Variants in PSPH observed in about 807,000 individuals in gnomAD.
PSPH encodes the protein L-3-phosphoserine phosphatase.
PSPH carries 16 observed loss-of-function variants against 23.4 expected under a neutral mutation model. That is an observed-to-expected ratio of 0.68 (90% CI 0.46 to 1.04). PSPH has a LOEUF of 1.04. Ranked by LOEUF, PSPH falls within the 50% of genes least tolerant of loss-of-function variation. The probability of loss-of-function intolerance (pLI) is 0.00; values close to 1 mark genes in which losing one functional copy is unlikely to be tolerated. For synonymous variants in PSPH, 68 were observed against 99.7 expected, an observed-to-expected ratio of 0.68 and a Z score of 1.89; for missense variants, 223 against 273.7, an observed-to-expected ratio of 0.81 and a Z score of 1.31.
intron 1 of PSPH, among the ~76,000 whole-genome samples, chr7:56,037,714 T>C (rs1472238666): frequency 2.1e-5 from 2 of 96,952 alleles, no homozygotes; most frequent in East Asian, 4.1e-4. Context: ...AAATTTTTTT[T>C]TTTTTTTTTT....
chr7:56,030,298 T>TG (rs1366121687), intron 3 of PSPH, among the ~76,000 whole-genome samples: 1 of 151,742 alleles, frequency 6.6e-6, no homozygotes, highest in Non-Finnish European at 1.5e-5. Context: ...TTAGTGGAGA[T>TG]GGGGTTTCAC....
chr7:56,043,269 A>C (rs1405112677), intron 1 of PSPH: 1 of 97,128 alleles, frequency 1.0e-5, no homozygotes, highest in East Asian at 2.0e-4. Context: ...ACTCTATCTC[A>C]AAAAAAAAAA....
chr7:56,020,308 G>A (rs4496923), intron 4 of PSPH, among the ~76,000 whole-genome samples: 44,830 of 147,920 alleles, frequency 0.3, 6,623 homozygotes, highest in East Asian at 0.44. Context: ...CAAAGGTTAA[G>A]CATTCTTCCA....
intron 1 of PSPH, among the ~76,000 whole-genome samples, chr7:56,046,172 C>T (rs779561624): frequency 6.6e-5 from 10 of 151,902 alleles, no homozygotes; most frequent in Non-Finnish European, 1.0e-4. Context: ...AAGTTTCACT[C>T]GTCGCCCAGG....
At chr7:56,038,658 G>A (rs1792058358) in intron 1 of PSPH, among the ~76,000 whole-genome samples, 1 of 151,812 alleles carries the variant, frequency 6.6e-6, no homozygotes, top group South Asian at 2.1e-4. Context: ...AACATACTAA[G>A]ACCTAATCTG....
At chr7:56,044,345 T>C (rs376061728) in intron 1 of PSPH, among the ~76,000 whole-genome samples, 2 of 152,016 alleles carry the variant, frequency 1.3e-5, no homozygotes, top group South Asian at 2.1e-4. Flanking sequence ...GAGCATTGAG[T>C]GTACATCATT....
intron 6 of PSPH, among the ~76,000 whole-genome samples, chr7:56,016,293 A>T (rs950518540): frequency 1.3e-5 from 2 of 150,400 alleles, no homozygotes; most frequent in African/African-American, 4.9e-5. Flanking sequence ...AATCCCAGCT[A>T]CTTGGGAGGC....
intron 3 of PSPH, among the ~76,000 whole-genome samples, chr7:56,023,326 A>G (rs1210107041): frequency 6.6e-6 from 1 of 151,928 alleles, no homozygotes; most frequent in Non-Finnish European, 1.5e-5. Context: ...TGGTACAATC[A>G]TGACTCACTG....
chr7:56,047,912 G>C (rs949077030), intron 1 of PSPH, among the ~76,000 whole-genome samples: 1 of 152,040 alleles, frequency 6.6e-6, no homozygotes, highest in Admixed American at 6.6e-5. Context: ...ACGATCCGCC[G>C]GCCTTGGCCT....
At chr7:56,030,422 C>T (rs1045422280) in intron 3 of PSPH, among the ~76,000 whole-genome samples, 14 of 151,496 alleles carry the variant, frequency 9.2e-5, no homozygotes, top group Non-Finnish European at 2.1e-4. Flanking sequence ...CCATGCCCGG[C>T]CTAAAAAAAA....
At chr7:56,020,236 C>T (rs1036846624) in intron 4 of PSPH, among the ~76,000 whole-genome samples, 1 of 150,994 alleles carries the variant, frequency 6.6e-6, no homozygotes, top group African/African-American at 2.4e-5. Context: ...AAAAAAGGCA[C>T]ACAGCCTATC....
intron 3 of PSPH, among the ~76,000 whole-genome samples, chr7:56,026,546 G>A (rs1420972929): frequency 6.9e-6 from 1 of 145,176 alleles, no homozygotes; most frequent in East Asian, 2.1e-4. Context: ...GCTGATGCCT[G>A]TTCCCAGGAC....
chr7:56,014,296 AC>A (rs1788307174), intron 7 of PSPH, among the ~76,000 whole-genome samples: 1 of 152,170 alleles, frequency 6.6e-6, no homozygotes, highest in Non-Finnish European at 1.5e-5. Flanking sequence ...TTGAGCACAC[AC>A]CTAGGCTAAA....
At chr7:56,024,110 G>T (rs941771678) in intron 3 of PSPH, among the ~76,000 whole-genome samples, 9 of 151,558 alleles carry the variant, frequency 5.9e-5, no homozygotes, top group African/African-American at 2.2e-4. Flanking sequence ...TGTATTTTTA[G>T]TAGAGACGGG....
intron 1 of PSPH, among the ~76,000 whole-genome samples, chr7:56,050,916 C>G (rs1346442201): frequency 6.6e-6 from 1 of 152,084 alleles, no homozygotes; most frequent in Non-Finnish European, 1.5e-5. Flanking sequence ...CGGTGGCTCA[C>G]GCCTGTAATC....
In PSPH at chr7:56,011,652, T is replaced by C. The variant is rs1015043599; in HGVS notation, c.*110A>G. The C allele has an allele frequency of 1.8e-5, 15 of 849,654 alleles. No homozygotes were observed. Among genetic ancestry groups the C allele is most frequent in the Non-Finnish European group, 2.7e-5 (14 of 509,334 alleles). The allele number at this position is 849,654 out of a possible 1,614,324, so 52.6% of individuals were successfully genotyped here. ...TGTAGTTTAAAGTACAGATCATTTG[T>C]ACCAACTTTCTATAGCAAGTTGTAA... is the stretch of plus-strand genomic sequence containing the variant. On this transcript the variant is annotated 3_prime_UTR_variant, in exon 8 of 8. Transcript: ENST00000275605.
chr7:56,042,210 TTC>T (rs1398149575), intron 1 of PSPH, among the ~76,000 whole-genome samples: 4 of 141,776 alleles, frequency 2.8e-5, no homozygotes, highest in African/African-American at 5.2e-5. Context: ...CAGAGCGAGA[TTC>T]TGTCTCAAAA....
chr7:56,014,900 G>A (rs1193273683), intron 7 of PSPH, 123 bp downstream of exon 7: 11 of 1,025,166 alleles, frequency 1.1e-5, no homozygotes, highest in South Asian at 9.6e-5. Flanking sequence ...CTGAGATCAC[G>A]CCACTGCACT....
At chr7:56,044,180 G>A (rs1472185299) in intron 1 of PSPH, among the ~76,000 whole-genome samples, 1 of 152,054 alleles carries the variant, frequency 6.6e-6, no homozygotes, top group Non-Finnish European at 1.5e-5. Flanking sequence ...GACCTCAGGT[G>A]GTCTGTCCAC....
Sources: allele counts gnomAD v4.1 joint callset (sites outside exome capture counted in the v4.1 genomes callset), GRCh38; gene constraint gnomAD v4.1.1; transcripts MANE v1.5; gene names NCBI Gene and HGNC (gene_info 2026-07-23, HGNC 2026-07-21).